Variants in ARF4 observed in about 807,000 individuals in gnomAD.
The protein encoded by ARF4 is ARF GTPase 4, also known as ADP-ribosylation factor 4.
In ARF4, 5 loss-of-function variants were observed where a neutral mutation model predicts 24.3. That is an observed-to-expected ratio of 0.21 (90% CI 0.11 to 0.43). The LOEUF (loss-of-function observed/expected upper bound fraction) is 0.43. Ranked by LOEUF, ARF4 falls within the 20% of genes least tolerant of loss-of-function variation. ARF4 has a pLI of 1.00. For missense variants in ARF4, 107 were observed against 213.0 expected, an observed-to-expected ratio of 0.50 and a Z score of 3.10; for synonymous variants, 62 against 73.5, an observed-to-expected ratio of 0.84 and a Z score of 0.80.
chr3:57,587,981 T>C (rs1163357123), intron 1 of ARF4, among the ~76,000 whole-genome samples: 1 of 152,242 alleles, frequency 6.6e-6, no homozygotes, highest in Non-Finnish European at 1.5e-5. Context: ...TTAAAACTTA[T>C]AGTTCTTTAC....
At position 57,595,085 on chromosome 3, in the gene ARF4, A is replaced by G. The variant is rs562229131; in HGVS notation, c.67+1989T>C. ...CTAAATCCTCCACACAAATGCAGAA[A>G]CTTAAATATTTTTTCTCTCCCATTT... is the stretch of plus-strand genomic sequence containing the variant. On this transcript the variant is annotated intron_variant, in intron 1 of 5. Transcript: ENST00000303436. 7.2e-5 allele frequency among the ~76,000 whole-genome samples: 11 copies of G among 152,342 alleles called. No individual in the cohort carries two copies. In the South Asian group the frequency reaches 2.3e-3, roughly 32 times the overall value.
chr3:57,593,256 A>G (rs1427839367), intron 1 of ARF4, among the ~76,000 whole-genome samples: 1 of 152,232 alleles, frequency 6.6e-6, no homozygotes, highest in African/African-American at 2.4e-5. Flanking sequence ...ATGACAGAAT[A>G]GTGGAATTAC....
intron 3 of ARF4, among the ~76,000 whole-genome samples, chr3:57,579,095 G>A (rs557673186): frequency 2.6e-5 from 4 of 151,550 alleles, no homozygotes; most frequent in African/African-American, 7.2e-5. Context: ...TCAGGAGTTC[G>A]AGATCAGCCT....
At chr3:57,585,343 A>G (rs1157509383) in intron 1 of ARF4, among the ~76,000 whole-genome samples, 1 of 152,238 alleles carries the variant, frequency 6.6e-6, no homozygotes, top group Non-Finnish European at 1.5e-5. Context: ...TGGTATAACT[A>G]TGTTCTAATG....
intron 1 of ARF4, among the ~76,000 whole-genome samples, chr3:57,594,494 T>C (rs991567728): frequency 2.0e-5 from 3 of 152,258 alleles, no homozygotes; most frequent in African/African-American, 7.2e-5. Flanking sequence ...TCAGATGATG[T>C]TAAATTTGAT....
intron 1 of ARF4, 198 bp downstream of exon 1, chr3:57,596,876 G>A: frequency 3.4e-6 from 2 of 586,506 alleles, no homozygotes; most frequent in Non-Finnish European, 6.0e-6. Context: ...TCCCTGTCTC[G>A]TCTGGCGACA....
At chr3:57,581,811 G>A (rs1276859960) in intron 3 of ARF4, among the ~76,000 whole-genome samples, 3 of 152,078 alleles carry the variant, frequency 2.0e-5, no homozygotes, top group African/African-American at 7.2e-5. Context: ...TAAACAAACT[G>A]TCTAGAGGGT....
rs147522697 is a variant in ARF4, at chr3:57,596,678, T to A, written c.67+396A>T. The A allele has an allele frequency of 1.5e-3, 295 of 195,254 alleles. 1 individual carries two copies. The highest frequency in any genetic ancestry group is 0.013 in the Middle Eastern group (6 of 456). 12.1% of individuals were successfully genotyped at this position (195,254 alleles called of 1,614,324 possible). On this transcript the variant is annotated intron_variant, in intron 1 of 5. Coordinates refer to ENST00000303436, the MANE Select transcript of ARF4 (RefSeq NM_001660.4). Reference sequence around the variant, plus strand: ...GGGAGGGAAAAGGCTGGAGTTGCTCTGCCTCCCTCCTGACCGCTGTCCACA... The same window carrying A: ...GGGAGGGAAAAGGCTGGAGTTGCTCAGCCTCCCTCCTGACCGCTGTCCACA...
At chr3:57,575,141 C>T (rs2069888233) in intron 5 of ARF4, among the ~76,000 whole-genome samples, 1 of 147,054 alleles carries the variant, frequency 6.8e-6, no homozygotes, top group African/African-American at 2.5e-5. Flanking sequence ...TGAGCCACCG[C>T]ACCCAGCCCC....
chr3:57,572,309 A>C lies in ARF4; in HGVS notation c.457-11T>G. 6.3e-7 allele frequency: 1 copy of C among 1,596,310 alleles called. No homozygotes were observed. Among genetic ancestry groups the C allele is most frequent in the Non-Finnish European group, 8.6e-7 (1 of 1,165,182 alleles). Reference sequence around the variant, plus strand: ...GGCTTGAACATACCACTGTAAAGAGAAGACAAGAAAATACTTGATTAACAA... The same window carrying C: ...GGCTTGAACATACCACTGTAAAGAGCAGACAAGAAAATACTTGATTAACAA... On this transcript the variant is annotated splice_polypyrimidine_tract_variant and intron_variant, in intron 5 of 5. Coordinates refer to ENST00000303436, the MANE Select transcript of ARF4 (RefSeq NM_001660.4).
chr3:57,587,319 C>CAAAAAAAA (rs56787111), intron 1 of ARF4, among the ~76,000 whole-genome samples: 4 of 45,342 alleles, frequency 8.8e-5, no homozygotes, highest in Admixed American at 2.3e-4. Flanking sequence ...AACTCAGTCT[C>CAAAAAAAA]AAAAAAAAAA....
At position 57,575,590 on chromosome 3, in the gene ARF4, T is replaced by C; in HGVS notation, c.414A>G (p.Glu138=). The change falls in exon 5 of 6, where the codon GAA becomes GAG. Residue 138 remains glutamate (E), a synonymous_variant. Coordinates refer to ENST00000303436, the MANE Select transcript of ARF4 (RefSeq NM_001660.4). The part of the protein sequence containing the change: ...QDLPNAMAIS[E]MTDKLGLQSL... Reference sequence around the variant, plus strand: ...ACTGAAGCCCTAGTTTATCTGTCATTTCACTGATGGCCATAGCATTTGGCA... The same window carrying C: ...ACTGAAGCCCTAGTTTATCTGTCATCTCACTGATGGCCATAGCATTTGGCA... 6.2e-7 allele frequency: 1 copy of C among 1,613,582 alleles called. No individual in the cohort carries two copies. Among genetic ancestry groups the C allele is most frequent in the Non-Finnish European group, 8.5e-7 (1 of 1,179,870 alleles).
chr3:57,575,737 C>CTA lies in ARF4; in HGVS notation c.331-66_331-65dup. ...GAATCCAATTTTTGAAAATGTCTTC[C>CTA]TATATATACTTTACTCAGCATTAAA... is the stretch of plus-strand genomic sequence containing the variant. On this transcript the variant is annotated intron_variant, in intron 4 of 5. Transcript: ENST00000303436. The CTA allele has an allele frequency of 2.7e-6, 4 of 1,495,962 alleles. No homozygotes were observed. In the South Asian group the frequency reaches 3.9e-5, roughly 15 times the overall value. The allele number at this position is 1,495,962 out of a possible 1,614,324, so 92.7% of individuals were successfully genotyped here.
intron 1 of ARF4, among the ~76,000 whole-genome samples, chr3:57,588,662 T>C (rs970319140): frequency 4.7e-4 from 67 of 143,260 alleles, no homozygotes; most frequent in African/African-American, 1.6e-3. Flanking sequence ...GAGACCAGCC[T>C]GACCAACATG....
intron 1 of ARF4, among the ~76,000 whole-genome samples, chr3:57,594,953 G>A (rs903384905): frequency 6.6e-6 from 1 of 152,002 alleles, no homozygotes; most frequent in Non-Finnish European, 1.5e-5. Flanking sequence ...CATAAATGTC[G>A]ATCTTGTGAC....
chr3:57,573,936 T>G (rs531361935), intron 5 of ARF4, among the ~76,000 whole-genome samples: 6 of 151,272 alleles, frequency 4.0e-5, no homozygotes, highest in Admixed American at 4.0e-4. Flanking sequence ...ATAGGTTGTT[T>G]TTTTTTGTTT....
chr3:57,572,420 A>G, intron 5 of ARF4, 122 bp from the exon 6 acceptor site: 1 of 703,318 alleles, frequency 1.4e-6, no homozygotes, highest in Non-Finnish European at 2.4e-6. Context: ...AAACTCTCCC[A>G]TATTTAAAGC....
intron 1 of ARF4, among the ~76,000 whole-genome samples, chr3:57,589,739 A>G (rs1036481753): frequency 6.6e-6 from 1 of 151,678 alleles, no homozygotes; most frequent in Non-Finnish European, 1.5e-5. Context: ...CAAAAAACCC[A>G]AAAAAACAAA....
chr3:57,580,961 GAGA>G (rs747925836), intron 3 of ARF4, among the ~76,000 whole-genome samples: 4 of 152,070 alleles, frequency 2.6e-5, no homozygotes, highest in African/African-American at 4.8e-5. Context: ...TGACATTATT[GAGA>G]AGGAGAATTA....
Sources: allele counts gnomAD v4.1 joint callset (sites outside exome capture counted in the v4.1 genomes callset), GRCh38; gene constraint gnomAD v4.1.1; transcripts MANE v1.5; gene names NCBI Gene and HGNC (gene_info 2026-07-23, HGNC 2026-07-21).